PTPN13: variants seen among roughly 807,000 people sequenced by gnomAD.
PTPN13 encodes protein tyrosine phosphatase non-receptor type 13, also known as tyrosine-protein phosphatase non-receptor type 13.
In PTPN13, 191 loss-of-function variants were observed where a neutral mutation model predicts 284.0. The ratio of observed to expected loss-of-function variants is 0.67; its 90% CI spans 0.60 to 0.76. The LOEUF (loss-of-function observed/expected upper bound fraction) is 0.76. PTPN13 is among the 30% of genes least tolerant of loss of function. PTPN13 has a pLI of 0.00. For missense variants in PTPN13, 2,797 were observed against 2,939.9 expected, an observed-to-expected ratio of 0.95 and a Z score of 1.12; for synonymous variants, 986 against 1,022.3, an observed-to-expected ratio of 0.96 and a Z score of 0.68.
chr4:86,723,915 G>C (rs1412717144), intron 10 of PTPN13, among the ~76,000 whole-genome samples: 3 of 151,880 alleles, frequency 2.0e-5, no homozygotes, highest in Non-Finnish European at 2.9e-5. Context: ...TCTGTTCTTT[G>C]CTTCAGAGAA....
intron 20 of PTPN13, among the ~76,000 whole-genome samples, chr4:86,754,446 T>G (rs1211761740): frequency 6.6e-6 from 1 of 152,066 alleles, no homozygotes; most frequent in Non-Finnish European, 1.5e-5. Flanking sequence ...TTTTTATTAT[T>G]TCTCATTTAA....
chr4:86,641,223 A>G (rs2148757488), intron 2 of PTPN13, among the ~76,000 whole-genome samples: 1 of 152,288 alleles, frequency 6.6e-6, no homozygotes, highest in African/African-American at 2.4e-5. Context: ...GTTCTCTCTT[A>G]GAATCCTTAT....
At chr4:86,794,524 C>T (rs906344167) in intron 40 of PTPN13, among the ~76,000 whole-genome samples, 26 of 152,180 alleles carry the variant, frequency 1.7e-4, no homozygotes, top group African/African-American at 5.8e-4. Context: ...CACTGACTTT[C>T]TTCCCAGAAT....
At chr4:86,673,650 A>G (rs1461795494) in intron 3 of PTPN13, among the ~76,000 whole-genome samples, 2 of 152,220 alleles carry the variant, frequency 1.3e-5, no homozygotes, top group Non-Finnish European at 2.9e-5. Context: ...TAAATTTGAC[A>G]AAAGTAGATA....
chr4:86,657,541 G>C (rs1725994557), intron 2 of PTPN13, among the ~76,000 whole-genome samples: 1 of 152,180 alleles, frequency 6.6e-6, no homozygotes, highest in South Asian at 2.1e-4. Context: ...AGGTGACACA[G>C]ACTTTCCTGT....
intron 45 of PTPN13, among the ~76,000 whole-genome samples, chr4:86,808,768 C>A (rs1201961194): frequency 1.3e-5 from 2 of 152,098 alleles, no homozygotes; most frequent in Non-Finnish European, 1.5e-5. Context: ...ATTTGGCAGT[C>A]AACAACACAG....
At chr4:86,648,522 C>T (rs1051354979) in intron 2 of PTPN13, among the ~76,000 whole-genome samples, 1 of 152,116 alleles carries the variant, frequency 6.6e-6, no homozygotes, top group African/African-American at 2.4e-5. Flanking sequence ...ACATAATGTG[C>T]TCCCGTTCCA....
rs756043923 is a variant in PTPN13, at chr4:86,729,964, A to G, written c.1609-2436A>G. ...TTCAGCTTTTCTGCTCTGTGGTTTT[A>G]TTTACCTTTGGTCTTTGATGTTGGT... On this transcript the variant is annotated intron_variant, in intron 10 of 47. Coordinates refer to ENST00000411767, the MANE Select transcript of PTPN13 (RefSeq NM_080683.3). Among the ~76,000 whole-genome samples the G allele has an allele frequency of 1.7e-4, 25 of 149,088 alleles. 1 individual carries two copies. Among genetic ancestry groups the G allele is most frequent in the Non-Finnish European group, 7.5e-5 (5 of 66,328 alleles).
At chr4:86,651,514 G>A (rs1725072505) in intron 2 of PTPN13, among the ~76,000 whole-genome samples, 1 of 151,532 alleles carries the variant, frequency 6.6e-6, no homozygotes, top group Non-Finnish European at 1.5e-5. Flanking sequence ...GAGTTTGGAA[G>A]TATTCCCATC....
intron 1 of PTPN13, among the ~76,000 whole-genome samples, chr4:86,608,149 AT>A (rs34391315): frequency 6.6e-6 from 1 of 152,028 alleles, no homozygotes; most frequent in African/African-American, 2.4e-5. Context: ...GTGTTGCCTT[AT>A]TTTTTAATAA....
chr4:86,748,839 T>C (rs907957961), intron 17 of PTPN13, among the ~76,000 whole-genome samples: 2 of 152,060 alleles, frequency 1.3e-5, no homozygotes, highest in Non-Finnish European at 2.9e-5. Flanking sequence ...GTATTTTTAG[T>C]AGAGATGGGG....
chr4:86,650,565 A>ATTAG (rs1329550844), intron 2 of PTPN13, among the ~76,000 whole-genome samples: 3 of 152,174 alleles, frequency 2.0e-5, no homozygotes, highest in African/African-American at 7.2e-5. Flanking sequence ...AGTCTCCTAA[A>ATTAG]GGGCTGGAAT....
At chr4:86,597,075 T>TCC (rs1763878878) in intron 1 of PTPN13, among the ~76,000 whole-genome samples, 1 of 151,994 alleles carries the variant, frequency 6.6e-6, no homozygotes, top group African/African-American at 2.4e-5. Context: ...CTTTACAAGG[T>TCC]AGGGGCCTGA....
At chr4:86,711,627 T>C (rs1218834534) in intron 7 of PTPN13, among the ~76,000 whole-genome samples, 2 of 152,198 alleles carry the variant, frequency 1.3e-5, no homozygotes, top group Non-Finnish European at 2.9e-5. Context: ...AAGGAAATTG[T>C]CTAGTAAAAT....
At chr4:86,784,951 TA>T (rs1741731407) in intron 38 of PTPN13, among the ~76,000 whole-genome samples, 1 of 152,178 alleles carries the variant, frequency 6.6e-6, no homozygotes, top group Non-Finnish European at 1.5e-5. Context: ...AAATAAACAT[TA>T]AATTATTAAT....
chr4:86,697,141 GGACA>G (rs2148990926), intron 6 of PTPN13, among the ~76,000 whole-genome samples: 1 of 152,132 alleles, frequency 6.6e-6, no homozygotes, highest in African/African-American at 2.4e-5. Flanking sequence ...AAGACACCTA[GGACA>G]CTTGGCAGTG....
intron 5 of PTPN13, among the ~76,000 whole-genome samples, chr4:86,691,226 CAAA>C (rs80183139): frequency 8.6e-5 from 8 of 93,012 alleles, no homozygotes; most frequent in Admixed American, 1.1e-4. Flanking sequence ...GGCCCTACCT[CAAA>C]AAAAAAAAAA....
chr4:86,804,311 A>G (rs948450343), intron 43 of PTPN13, among the ~76,000 whole-genome samples: 1 of 152,162 alleles, frequency 6.6e-6, no homozygotes, highest in Non-Finnish European at 1.5e-5. Flanking sequence ...GTCCATATTT[A>G]CCACTAGAAA....
Position 86,734,864 on chromosome 4 carries a change from T to C in PTPN13, c.2140T>C (p.Tyr714His). ...GGCTCTCCAGGCTGAGTATGGAGAT[T>C]ATCAACCAGAGGTAGGATTTGTGTT... Reference protein sequence around the residue: ...SLALQAEYGDYQPEVHGVSYF... With the variant: ...SLALQAEYGDHQPEVHGVSYF... The change falls in exon 14 of 48, where the codon TAT (tyrosine) becomes CAT (histidine). Residue 714 changes from tyrosine (Y) to histidine (H), a missense_variant. Transcript: ENST00000411767. The C allele has an allele frequency of 6.2e-7, 1 of 1,611,282 alleles. No homozygotes were observed. The highest frequency in any genetic ancestry group is 8.5e-7 in the Non-Finnish European group (1 of 1,177,948).
Sources: allele counts gnomAD v4.1 joint callset (sites outside exome capture counted in the v4.1 genomes callset), GRCh38; gene constraint gnomAD v4.1.1; transcripts MANE v1.5; gene names NCBI Gene and HGNC (gene_info 2026-07-23, HGNC 2026-07-21).